The following CSMD1 variants were observed in gnomAD, a reference collection of about 807,000 sequenced individuals.
CSMD1 encodes the protein CUB and sushi domain-containing protein 1.
CSMD1 carries 213 observed loss-of-function variants against 417.5 expected under a neutral mutation model. That is an observed-to-expected ratio of 0.51 (90% confidence interval 0.46 to 0.57). CSMD1 has a LOEUF of 0.57. Among genes scored for constraint, CSMD1 ranks in the 20% least tolerant of loss-of-function variants. The pLI is 0.00. For synonymous variants in CSMD1, 2,862 were observed against 1,736.8 expected, an observed-to-expected ratio of 1.65 and a Z score of -16.11; for missense variants, 6,923 against 4,529.7, an observed-to-expected ratio of 1.53 and a Z score of -15.17.
chr8:4,116,625 C>T (rs1289972047), intron 3 of CSMD1, among the ~76,000 whole-genome samples: 3 of 148,532 alleles, frequency 2.0e-5, no homozygotes, highest in South Asian at 4.4e-4. Flanking sequence ...GGAACAAACG[C>T]GCCATGAATG....
intron 3 of CSMD1, among the ~76,000 whole-genome samples, chr8:4,203,055 G>A (rs959500553): frequency 1.3e-5 from 2 of 152,214 alleles, no homozygotes; most frequent in Non-Finnish European, 2.9e-5. Flanking sequence ...ACAGGTGTGA[G>A]AGTTAAGGAT....
chr8:4,722,035 C>A (rs892250391), intron 1 of CSMD1, among the ~76,000 whole-genome samples: 1 of 152,052 alleles, frequency 6.6e-6, no homozygotes, highest in Non-Finnish European at 1.5e-5. Flanking sequence ...GAGGAGATGT[C>A]AGTCCAAAGT....
intron 10 of CSMD1, among the ~76,000 whole-genome samples, chr8:3,549,857 G>A (rs751573357): frequency 1.3e-5 from 2 of 152,174 alleles, no homozygotes; most frequent in Non-Finnish European, 2.9e-5. Context: ...GCAACAGACA[G>A]TGGAGTAACA....
chr8:3,310,772 G>T (rs1372428933), intron 23 of CSMD1, among the ~76,000 whole-genome samples: 1 of 152,102 alleles, frequency 6.6e-6, no homozygotes, highest in Non-Finnish European at 1.5e-5. Context: ...TGGCAGCGGG[G>T]CCAGGAAACT....
At chr8:4,872,179 G>A (rs1010116849) in intron 1 of CSMD1, among the ~76,000 whole-genome samples, 1 of 152,126 alleles carries the variant, frequency 6.6e-6, no homozygotes, top group African/African-American at 2.4e-5. Context: ...GGCACTCTGT[G>A]TTAGCCTGTG....
intron 2 of CSMD1, among the ~76,000 whole-genome samples, chr8:4,524,197 T>A (rs1309925068): frequency 2.0e-5 from 3 of 151,710 alleles, no homozygotes; most frequent in African/African-American, 7.3e-5. Context: ...TAGGGGGAAA[T>A]TAAAATATAT....
chr8:3,624,984 T>C (rs1307608966), intron 7 of CSMD1, among the ~76,000 whole-genome samples: 1 of 152,166 alleles, frequency 6.6e-6, no homozygotes, highest in Non-Finnish European at 1.5e-5. Flanking sequence ...TAAGAAAATG[T>C]TGCCATGGTA....
chr8:3,508,036 C>G (rs1796904658), intron 10 of CSMD1, among the ~76,000 whole-genome samples: 1 of 152,134 alleles, frequency 6.6e-6, no homozygotes, highest in Non-Finnish European at 1.5e-5. Flanking sequence ...TCAATTTTGG[C>G]TTTTGTTGCC....
chr8:3,904,729 C>T (rs564655219), intron 5 of CSMD1, among the ~76,000 whole-genome samples: 14 of 151,554 alleles, frequency 9.2e-5, no homozygotes, highest in African/African-American at 2.9e-4. Context: ...CTCGGCCTCC[C>T]GGGTTCAAGT....
chr8:4,524,202 A>G (rs955061314), intron 2 of CSMD1, among the ~76,000 whole-genome samples: 2 of 152,092 alleles, frequency 1.3e-5, no homozygotes, highest in Non-Finnish European at 1.5e-5. Flanking sequence ...GGAAATTAAA[A>G]TATATTTATA....
At chr8:4,402,468 T>A (rs567021859) in intron 3 of CSMD1, among the ~76,000 whole-genome samples, 2 of 152,130 alleles carry the variant, frequency 1.3e-5, no homozygotes, top group South Asian at 4.1e-4. Flanking sequence ...AGCTTCCTGG[T>A]CTCTCTGTAT....
chr8:4,373,783 C>T (rs917516621), intron 3 of CSMD1, among the ~76,000 whole-genome samples: 5 of 152,172 alleles, frequency 3.3e-5, no homozygotes, highest in African/African-American at 1.2e-4. Context: ...CACTTTTTCT[C>T]TTTGATAAAT....
intron 1 of CSMD1, among the ~76,000 whole-genome samples, chr8:4,717,377 A>G (rs1290877132): frequency 7.1e-6 from 1 of 140,496 alleles, no homozygotes; most frequent in East Asian, 2.0e-4. Context: ...ATATATATAC[A>G]CACACACATA....
chr8:3,215,824 G>C (rs1284579330), intron 29 of CSMD1, among the ~76,000 whole-genome samples: 2 of 151,810 alleles, frequency 1.3e-5, no homozygotes, highest in African/African-American at 4.8e-5. Flanking sequence ...GCTAAACTTT[G>C]GGAAGCTCTG....
intron 3 of CSMD1, among the ~76,000 whole-genome samples, chr8:4,038,916 C>G (rs986510089): frequency 6.6e-6 from 1 of 152,136 alleles, no homozygotes; most frequent in Non-Finnish European, 1.5e-5. Context: ...CTCCGTAACA[C>G]TTAATTTGGC....
In CSMD1 at chr8:3,018,515, G is replaced by T. The variant is rs1283613454; in HGVS notation, c.7991C>A (p.Ala2664Glu). ...TTCGCTGCCGCTCCAGAGCCCATTT[G>T]CCAAGCACTCTCTGACATGAGACCC... ...LVGSHVRECL[A>E]NGLWSGSETR... is the part of the protein sequence containing the mutation. The change falls in exon 52 of 70, where the codon GCA becomes GAA. Residue 2664 changes from alanine to glutamate, a missense_variant. Transcript: ENST00000635120. The T allele has an allele frequency of 6.2e-7, 1 of 1,613,574 alleles. No homozygotes were observed. The highest frequency in any genetic ancestry group is 1.7e-5 in the Admixed American group (1 of 59,976).
chr8:3,548,757 T>G (rs77694586), intron 10 of CSMD1, among the ~76,000 whole-genome samples: 3 of 149,576 alleles, frequency 2.0e-5, no homozygotes, highest in African/African-American at 4.9e-5. Flanking sequence ...TTCTAAAGAG[T>G]AAGCCCGGCC....
chr8:3,428,034 A>G (rs975726959), intron 12 of CSMD1, among the ~76,000 whole-genome samples: 1 of 152,252 alleles, frequency 6.6e-6, no homozygotes, highest in African/African-American at 2.4e-5. Flanking sequence ...AAATTGCATT[A>G]TCTGCTTCGT....
At chr8:3,524,704 AC>A (rs1797682490) in intron 10 of CSMD1, among the ~76,000 whole-genome samples, 1 of 151,728 alleles carries the variant, frequency 6.6e-6, no homozygotes, top group Non-Finnish European at 1.5e-5. Flanking sequence ...AGACGTGCAC[AC>A]ACAAGCACAT....
Sources: gnomAD v4.1 joint callset for allele counts (sites outside exome capture counted in the v4.1 genomes callset) on GRCh38, gnomAD v4.1.1 for gene constraint, MANE v1.5 for transcripts, NCBI Gene and HGNC (gene_info 2026-07-23, HGNC 2026-07-21) for gene names.